AHCTF1: variants seen among roughly 807,000 people sequenced by gnomAD.
AHCTF1 encodes AT-hook containing transcription factor 1.
A neutral mutation model predicts 248.4 loss-of-function variants in AHCTF1; 24 were observed. The observed-to-expected ratio is 0.10, with a 90% confidence interval of 0.07 to 0.14. The LOEUF is 0.14. Among genes scored for constraint, AHCTF1 ranks in the 10% least tolerant of loss-of-function variants. The probability of loss-of-function intolerance (pLI) is 1.00; values close to 1 mark genes in which losing one functional copy is unlikely to be tolerated. For synonymous variants in AHCTF1, 786 were observed against 929.8 expected, an observed-to-expected ratio of 0.85 and a Z score of 2.81; for missense variants, 2,206 against 2,636.2, an observed-to-expected ratio of 0.84 and a Z score of 3.57.
intron 1 of AHCTF1, 26 bp from the exon 2 acceptor site, chr1:246,918,403 T>C (rs777132046): frequency 1.8e-5 from 28 of 1,594,076 alleles, no homozygotes; most frequent in Non-Finnish European, 2.1e-5. Context: ...AAAGAAAACA[T>C]TATTATGACA....
chr1:246,930,586 T>A lies in AHCTF1; in HGVS notation c.-8+992A>T, dbSNP rs2029789. On this transcript the variant is annotated intron_variant, in intron 1 of 35. Transcript: ENST00000648844. ...AGTGAAAGCTCACAAAAAAACAGTT[T>A]AAAAAAAAAAAAGGGGGGGTCTCGC... 8.3e-3 allele frequency among the ~76,000 whole-genome samples: 1,107 copies of A among 133,770 alleles called. 20 individuals are homozygous for A. The highest frequency in any genetic ancestry group is 0.028 in the African/African-American group (1,046 of 37,634). 87.8% of individuals were successfully genotyped at this position (133,770 alleles called of 152,430 possible).
At chr1:246,852,295 T>C (rs1660764301) in intron 32 of AHCTF1, among the ~76,000 whole-genome samples, 1 of 152,174 alleles carries the variant, frequency 6.6e-6, no homozygotes, top group African/African-American at 2.4e-5. Context: ...CTCATTAAGA[T>C]GAGTATGGAT....
chr1:246,895,414 T>C (rs991298852), intron 13 of AHCTF1, among the ~76,000 whole-genome samples: 1 of 152,194 alleles, frequency 6.6e-6, no homozygotes, highest in Non-Finnish European at 1.5e-5. Flanking sequence ...GTTTGGGGTG[T>C]GTGTGTGTAT....
intron 31 of AHCTF1, among the ~76,000 whole-genome samples, chr1:246,854,987 G>A (rs1238418854): frequency 1.3e-5 from 2 of 152,074 alleles, no homozygotes; most frequent in Non-Finnish European, 1.5e-5. Flanking sequence ...AATTCTCTCT[G>A]GATTACTCCA....
chr1:246,905,721 T>C, intron 5 of AHCTF1, 64 bp from the exon 6 acceptor site: 1 of 1,322,670 alleles, frequency 7.6e-7, no homozygotes, highest in South Asian at 1.3e-5. Flanking sequence ...AGGTACATCA[T>C]GTAAGAACTT....
chr1:246,860,194 G>A (rs867155453), intron 29 of AHCTF1, among the ~76,000 whole-genome samples: 53 of 151,938 alleles, frequency 3.5e-4, no homozygotes, highest in Middle Eastern at 3.4e-3. Context: ...TGGTTGGGGG[G>A]GGGGCGGAGG....
intron 3 of AHCTF1, among the ~76,000 whole-genome samples, chr1:246,913,855 T>C (rs191269569): frequency 9.2e-5 from 14 of 152,338 alleles, no homozygotes; most frequent in African/African-American, 3.4e-4. Context: ...ACAGCTACTC[T>C]AGGATTCTAT....
chr1:246,854,932 A>G (rs941867081), intron 31 of AHCTF1, among the ~76,000 whole-genome samples: 12 of 147,494 alleles, frequency 8.1e-5, no homozygotes, highest in Non-Finnish European at 1.5e-5. Flanking sequence ...TAAATGGTTA[A>G]TTATGGACCC....
At chr1:246,855,555 A>C (rs1300028755) in intron 31 of AHCTF1, among the ~76,000 whole-genome samples, 175 bp downstream of exon 31, 1 of 152,124 alleles carries the variant, frequency 6.6e-6, no homozygotes, top group Non-Finnish European at 1.5e-5. Context: ...CCACTGTCTG[A>C]CAGCTTATAT....
At chr1:246,862,208 C>A in intron 27 of AHCTF1, 55 bp from the exon 28 acceptor site, 1 of 1,392,880 alleles carries the variant, frequency 7.2e-7, no homozygotes, top group East Asian at 2.5e-5. Flanking sequence ...AGGCCGGGCG[C>A]GGTGGCTCAC....
At position 246,905,480 on chromosome 1, in the gene AHCTF1, G is replaced by C. The variant is rs1049728742; in HGVS notation, c.881+61C>G. On this transcript the variant is annotated intron_variant, in intron 6 of 35. Transcript: ENST00000648844. ...CCACTGCACTCCAGCCTGGACAACA[G>C]AGCGAGACTCTGTCTCCAAAAAAAC... The C allele has an allele frequency of 5.9e-6, 8 of 1,367,008 alleles. No individual in the cohort carries two copies. In the East Asian group the frequency reaches 1.8e-4, roughly 32 times the overall value. 84.7% of individuals were successfully genotyped at this position (1,367,008 alleles called of 1,614,324 possible). A position where few individuals can be genotyped will look rare whatever the true frequency, so the allele number is the denominator to read the frequency against.
rs187665741 is a variant in AHCTF1 at position 246,839,991 on chromosome 1, A to C, written c.*815T>G. 6.6e-6 allele frequency: 1 copy of C among 152,522 alleles called. No individual in the cohort carries two copies. The highest frequency in any genetic ancestry group is 2.4e-5 in the African/African-American group (1 of 41,468). 9.4% of individuals were successfully genotyped at this position (152,522 alleles called of 1,614,324 possible). On this transcript the variant is annotated 3_prime_UTR_variant, in exon 36 of 36. Coordinates refer to ENST00000648844, the MANE Select transcript of AHCTF1 (RefSeq NM_001323342.2). ...TTCAATAGCAAGCTCCTTCACAGCAATATTATAAAAATTTGTTCAGACATC... is the reference window on the plus strand; with the variant it reads ...TTCAATAGCAAGCTCCTTCACAGCACTATTATAAAAATTTGTTCAGACATC...
chr1:246,867,482 A>C, intron 25 of AHCTF1, 131 bp from the exon 26 acceptor site: 3 of 1,024,760 alleles, frequency 2.9e-6, no homozygotes, highest in Non-Finnish European at 4.2e-6. Flanking sequence ...ATAATAATGA[A>C]CATTTCACTT....
chr1:246,873,504 T>C (rs897991572), intron 24 of AHCTF1, among the ~76,000 whole-genome samples: 1 of 152,088 alleles, frequency 6.6e-6, no homozygotes, highest in African/African-American at 2.4e-5. Context: ...GACAATACAC[T>C]AGTCAATTTC....
intron 14 of AHCTF1, among the ~76,000 whole-genome samples, chr1:246,892,768 A>C (rs1201115329): frequency 6.6e-6 from 1 of 151,998 alleles, no homozygotes. Flanking sequence ...AGGAGCTGGG[A>C]CTATAGGCAT....
intron 12 of AHCTF1, among the ~76,000 whole-genome samples, chr1:246,896,961 G>A (rs948899350): frequency 3.3e-5 from 5 of 152,072 alleles, no homozygotes; most frequent in East Asian, 1.9e-4. Context: ...AAACAGAAAC[G>A]TCTGCTACTA....
intron 21 of AHCTF1, among the ~76,000 whole-genome samples, chr1:246,884,392 CAAAGAGAACCAAG>C (rs1397309973): frequency 6.6e-6 from 1 of 152,054 alleles, no homozygotes; most frequent in African/African-American, 2.4e-5. Context: ...GCTATTTAAC[CAAAGAGAACCAAG>C]AAAATGTAAC....
rs1440776008 is a variant in AHCTF1, at chr1:246,861,301, A to G, written c.3736-6T>C. The stretch of plus-strand genomic sequence containing the variant: ...AATTTGCTATCATCTGCAGCCTGTA[A>G]AGTAAGATTTTGAAAAGAAAAAAAT... On this transcript the variant is annotated splice_polypyrimidine_tract_variant and splice_region_variant and intron_variant, in intron 28 of 35. Coordinates refer to ENST00000648844, the MANE Select transcript of AHCTF1 (RefSeq NM_001323342.2). The G allele has an allele frequency of 1.3e-6, 2 of 1,594,108 alleles. No homozygotes were observed. The highest frequency in any genetic ancestry group is 3.5e-5 in the Admixed American group (2 of 57,630).
In AHCTF1 at chr1:246,898,273, G is replaced by T. The variant is rs753121638; in HGVS notation, c.1558C>A (p.Arg520=). The change falls in exon 12 of 36, where the codon CGA becomes AGA. Residue 520 remains arginine, a synonymous_variant. Coordinates refer to ENST00000648844, the MANE Select transcript of AHCTF1 (RefSeq NM_001323342.2). ...LNELIPDGYN[R]CLVAGLLSPR... is the part of the protein sequence containing the mutation. ...GAAAGAAGGCCAGCTACAAGACATCGATTATAACCATCAGGAATGAGTTCA... is the reference window on the plus strand; with the variant it reads ...GAAAGAAGGCCAGCTACAAGACATCTATTATAACCATCAGGAATGAGTTCA... 76 of 1,612,730 alleles carry T rather than the reference G, an allele frequency of 4.7e-5. 1 individual carries two copies. The Middle Eastern group carries it at 8.0e-4, about 17-fold the overall frequency.
Sources: allele counts gnomAD v4.1 joint callset (sites outside exome capture counted in the v4.1 genomes callset), GRCh38; gene constraint gnomAD v4.1.1; transcripts MANE v1.5; gene names NCBI Gene and HGNC (gene_info 2026-07-23, HGNC 2026-07-21).